The following BCL11A variants were observed in gnomAD, a reference collection of about 807,000 sequenced individuals.
BCL11A encodes B cell CLL/lymphoma 11A.
Under a neutral mutation model 55.9 loss-of-function variants are expected in BCL11A, and 2 were observed. That is an observed-to-expected ratio of 0.04 (90% CI 0.01 to 0.11). The LOEUF (loss-of-function observed/expected upper bound fraction) is 0.11, where lower values mean the gene tolerates loss of function less well. Among genes scored for constraint, BCL11A ranks in the 10% least tolerant of loss-of-function variants. The pLI, the probability that BCL11A is intolerant of heterozygous loss-of-function variation, is 1.00. For synonymous variants in BCL11A, 465 were observed against 473.4 expected, an observed-to-expected ratio of 0.98 and a Z score of 0.23; for missense variants, 817 against 1,137.1, an observed-to-expected ratio of 0.72 and a Z score of 4.05.
At chr2:60,543,940 A>T (rs1573092602) in intron 2 of BCL11A, 1 of 152,346 alleles carries the variant, frequency 6.6e-6, no homozygotes, top group African/African-American at 2.4e-5. Flanking sequence ...CTTTAAAAAA[A>T]TAATAACAGA....
In BCL11A at chr2:60,457,452, T is replaced by C; in HGVS notation, c.*2952A>G. 1 of 1,039,500 alleles carries C rather than the reference T, an allele frequency of 9.6e-7. No individual in the cohort carries two copies. Among genetic ancestry groups the C allele is most frequent in the Non-Finnish European group, 1.2e-6 (1 of 862,114 alleles). 64.4% of individuals were successfully genotyped at this position (1,039,500 alleles called of 1,614,324 possible). A position where few individuals can be genotyped will look rare whatever the true frequency, so the allele number is the denominator to read the frequency against. On this transcript the variant is annotated 3_prime_UTR_variant, in exon 4 of 4. Coordinates refer to ENST00000642384, the MANE Select transcript of BCL11A (RefSeq NM_022893.4). ...AGGGCACATAAGCAATAATAAATAG[T>C]GACTCCCATAGTAAAAGATAAAATT...
chr2:60,460,311 TC>T lies in BCL11A; in HGVS notation c.*92del. ...TAAATCACATGGGACTAGAAAAAAA[TC>T]CTACAGGGAGTGGGGCTGGAGGGCG... is the stretch of plus-strand genomic sequence containing the variant. On this transcript the variant is annotated 3_prime_UTR_variant, in exon 4 of 4. Transcript: ENST00000642384. 6.7e-7 allele frequency: 1 copy of T among 1,500,418 alleles called. No homozygotes were observed. Among genetic ancestry groups the T allele is most frequent in the Non-Finnish European group, 8.9e-7 (1 of 1,125,440 alleles). The allele number at this position is 1,500,418 out of a possible 1,614,324, so 92.9% of individuals were successfully genotyped here.
At chr2:60,491,398 C>T (rs1277317158) in intron 2 of BCL11A, among the ~76,000 whole-genome samples, 1 of 152,132 alleles carries the variant, frequency 6.6e-6, no homozygotes, top group Admixed American at 6.5e-5. Context: ...CCCGGCCAGG[C>T]GCTGTGGCTC....
At chr2:60,544,980 C>T (rs560019003) in intron 2 of BCL11A, 1 of 152,370 alleles carries the variant, frequency 6.6e-6, no homozygotes, top group African/African-American at 2.4e-5. Flanking sequence ...ACCTAGCTGC[C>T]TCCCTGCTAA....
At chr2:60,498,147 G>A (rs1174769153) in intron 2 of BCL11A, among the ~76,000 whole-genome samples, 1 of 151,724 alleles carries the variant, frequency 6.6e-6, no homozygotes, top group East Asian at 1.9e-4. Context: ...GGGGATAACT[G>A]GGTCAGACCC....
chr2:60,553,347 C>T lies in BCL11A; in HGVS notation c.-77G>A. 1 of 1,461,876 alleles carries T rather than the reference C, an allele frequency of 6.8e-7. No homozygotes were observed. The highest frequency in any genetic ancestry group is 1.3e-5 in the South Asian group (1 of 79,646). 90.6% of individuals were successfully genotyped at this position (1,461,876 alleles called of 1,614,324 possible). On this transcript the variant is annotated 5_prime_UTR_variant, in exon 1 of 4. Coordinates refer to ENST00000642384, the MANE Select transcript of BCL11A (RefSeq NM_022893.4). ...GACGGCTCGGTTCACATCGGGAGAGCCGGGTTAGAAAGAAGGAGACTCCAG... is the reference window on the plus strand; with the variant it reads ...GACGGCTCGGTTCACATCGGGAGAGTCGGGTTAGAAAGAAGGAGACTCCAG...
chr2:60,498,637 C>T (rs1395512927), intron 2 of BCL11A, among the ~76,000 whole-genome samples: 9 of 152,194 alleles, frequency 5.9e-5, no homozygotes, highest in Admixed American at 5.9e-4. Context: ...CTGGGCAGAG[C>T]TGAGCAGAGG....
chr2:60,465,966 G>T (rs1218939783), intron 3 of BCL11A, among the ~76,000 whole-genome samples: 1 of 152,152 alleles, frequency 6.6e-6, no homozygotes, highest in Non-Finnish European at 1.5e-5. Flanking sequence ...GTGGCCACAG[G>T]GAAGTGCTAT....
At chr2:60,482,370 G>A (rs1244914428) in intron 2 of BCL11A, among the ~76,000 whole-genome samples, 1 of 152,142 alleles carries the variant, frequency 6.6e-6, no homozygotes, top group African/African-American at 2.4e-5. Flanking sequence ...CTGGAGAAAA[G>A]TGAGAAATGG....
At chr2:60,486,475 A>G (rs1490307661) in intron 2 of BCL11A, among the ~76,000 whole-genome samples, 6 of 152,224 alleles carry the variant, frequency 3.9e-5, no homozygotes, top group Non-Finnish European at 8.8e-5. Flanking sequence ...ATTTTGAGAG[A>G]TAATTTCTAA....
At chr2:60,538,955 C>T (rs979213100) in intron 2 of BCL11A, among the ~76,000 whole-genome samples, 2 of 152,102 alleles carry the variant, frequency 1.3e-5, no homozygotes, top group Non-Finnish European at 2.9e-5. Context: ...TTTCTCCATA[C>T]CAGCACATGC....
At chr2:60,481,219 T>A (rs775134014) in intron 2 of BCL11A, among the ~76,000 whole-genome samples, 6 of 151,874 alleles carry the variant, frequency 4.0e-5, no homozygotes, top group Non-Finnish European at 8.8e-5. Context: ...GAATGGGATA[T>A]CCCCTCCCCT....
rs745904713 is a variant in BCL11A, at chr2:60,545,955, C to T, written c.385+16G>A. The T allele has an allele frequency of 9.3e-6, 15 of 1,604,366 alleles. No homozygotes were observed. Among genetic ancestry groups the T allele is most frequent in the Non-Finnish European group, 1.3e-5 (15 of 1,173,836 alleles). ...AGAAAACATGCAAACAGCTTTTCTCCTTGCTTCTCATTTACCTGCTATGTG... is the reference window on the plus strand; with the variant it reads ...AGAAAACATGCAAACAGCTTTTCTCTTTGCTTCTCATTTACCTGCTATGTG... On this transcript the variant is annotated intron_variant, in intron 2 of 3. Coordinates refer to ENST00000642384, the MANE Select transcript of BCL11A (RefSeq NM_022893.4).
At chr2:60,519,537 A>ACTTG (rs1163708764) in intron 2 of BCL11A, among the ~76,000 whole-genome samples, 2 of 111,870 alleles carry the variant, frequency 1.8e-5, no homozygotes, top group African/African-American at 5.8e-5. Context: ...TAAGGTCCTC[A>ACTTG]CTTGCCTGCC....
intron 2 of BCL11A, among the ~76,000 whole-genome samples, chr2:60,478,757 T>TGAAGGA (rs1677780498): frequency 1.3e-5 from 2 of 152,222 alleles, no homozygotes; most frequent in Non-Finnish European, 2.9e-5. Context: ...AGGAGCGCTC[T>TGAAGGA]GGTGCTGCGA....
intron 2 of BCL11A, among the ~76,000 whole-genome samples, chr2:60,475,892 GA>G (rs1426084538): frequency 3.9e-5 from 6 of 152,202 alleles, no homozygotes; most frequent in Non-Finnish European, 7.4e-5. Flanking sequence ...GAGACTGCTA[GA>G]GGAAAGTCAG....
chr2:60,451,045 C>G (rs1675703865), downstream of BCL11A: 2 of 177,534 alleles, frequency 1.1e-5, no homozygotes, highest in African/African-American at 4.7e-5. Context: ...CTGGCAAGCC[C>G]TTAACCTTGG....
At chr2:60,509,705 C>T (rs1679874814) in intron 2 of BCL11A, among the ~76,000 whole-genome samples, 1 of 152,092 alleles carries the variant, frequency 6.6e-6, no homozygotes, top group African/African-American at 2.4e-5. Context: ...CCTGGCCCTC[C>T]CCAAAGAACT....
chr2:60,521,067 G>GCACACACACACACACACACACACACA (rs58564312), intron 2 of BCL11A, among the ~76,000 whole-genome samples: 1 of 117,650 alleles, frequency 8.5e-6, no homozygotes, highest in African/African-American at 2.8e-5. Context: ...CTAGTGGTCA[G>GCACACACACACACACACACACACACA]CACACACACA....
Sources: gnomAD v4.1 joint callset for allele counts (sites outside exome capture counted in the v4.1 genomes callset) on GRCh38, gnomAD v4.1.1 for gene constraint, MANE v1.5 for transcripts, NCBI Gene and HGNC (gene_info 2026-07-23, HGNC 2026-07-21) for gene names.